TMEM50B: variants seen among roughly 807,000 people sequenced by gnomAD.
TMEM50B encodes the protein HCV p7-trans-regulated protein 3.
A neutral mutation model predicts 23.4 loss-of-function variants in TMEM50B; 14 were observed. The observed-to-expected ratio is 0.60, with a 90% confidence interval of 0.39 to 0.93. The LOEUF (loss-of-function observed/expected upper bound fraction) is 0.93. Among genes scored for constraint, TMEM50B ranks in the 40% least tolerant of loss-of-function variants. The pLI, the probability that TMEM50B is intolerant of heterozygous loss-of-function variation, is 0.00. For synonymous variants in TMEM50B, 64 were observed against 62.3 expected (o/e 1.03, Z -0.13); for missense variants, 159 against 193.0 (o/e 0.82, Z 1.04).
At chr21:33,470,609 C>T (rs1014798629) in intron 1 of TMEM50B, among the ~76,000 whole-genome samples, 1 of 150,008 alleles carries the variant, frequency 6.7e-6, no homozygotes, top group African/African-American at 2.5e-5. Context: ...TGATGGCAGG[C>T]GCCTGTAGTC....
chr21:33,475,768 C>T (rs2084363978), intron 1 of TMEM50B, among the ~76,000 whole-genome samples: 1 of 151,950 alleles, frequency 6.6e-6, no homozygotes, highest in African/African-American at 2.4e-5. Context: ...TCCTGGCTAA[C>T]ACGTTGAAAC....
intron 2 of TMEM50B, chr21:33,468,533 G>T: frequency 2.5e-6 from 1 of 407,672 alleles, no homozygotes; most frequent in Non-Finnish European, 4.4e-6. Context: ...AGTTAAAAAT[G>T]CTATTGCCTA....
At chr21:33,478,465 T>C (rs2084394534) in intron 1 of TMEM50B, among the ~76,000 whole-genome samples, 1 of 151,810 alleles carries the variant, frequency 6.6e-6, no homozygotes, top group Admixed American at 6.6e-5. Flanking sequence ...AGACTCTGTC[T>C]CAAAAAAAAC....
chr21:33,432,673 G>A (rs769347613), exon 9 of TMEM50B: 12 of 1,605,490 alleles, frequency 7.5e-6, no homozygotes, highest in South Asian at 2.2e-5. Flanking sequence ...TGTGTTGTGC[G>A]TAGGAAGATC....
At chr21:33,475,386 C>T (rs750604940) in intron 1 of TMEM50B, among the ~76,000 whole-genome samples, 5 of 152,142 alleles carry the variant, frequency 3.3e-5, no homozygotes, top group Middle Eastern at 3.4e-3. Context: ...CTCGCTCTGT[C>T]GCCCAGGCTG....
chr21:33,455,928 G>T, intron 5 of TMEM50B, 144 bp from the exon 6 acceptor site: 1 of 724,992 alleles, frequency 1.4e-6, no homozygotes, highest in Non-Finnish European at 2.5e-6. Context: ...TAATGAAACT[G>T]AAAGAAGAAA....
intron 5 of TMEM50B, 52 bp from the exon 6 acceptor site, chr21:33,455,836 A>T (rs1315034288): frequency 1.5e-6 from 2 of 1,299,416 alleles, no homozygotes; most frequent in East Asian, 4.6e-5. Context: ...AAACGGCAGT[A>T]ATAAAGTATC....
intron 6 of TMEM50B, among the ~76,000 whole-genome samples, chr21:33,453,169 A>G (rs2084137957): frequency 6.7e-6 from 1 of 149,240 alleles, no homozygotes; most frequent in Admixed American, 6.7e-5. Flanking sequence ...AGCTCACTGC[A>G]ACCTCAGCCT....
chr21:33,461,504 C>T (rs1280682867), intron 4 of TMEM50B, among the ~76,000 whole-genome samples: 1 of 152,074 alleles, frequency 6.6e-6, no homozygotes, highest in Non-Finnish European at 1.5e-5. Flanking sequence ...ATAAAAGGAA[C>T]TATTAAAAAT....
chr21:33,465,599 T>C (rs2084258477), intron 3 of TMEM50B, among the ~76,000 whole-genome samples, 190 bp from the exon 4 acceptor site: 1 of 152,244 alleles, frequency 6.6e-6, no homozygotes, highest in African/African-American at 2.4e-5. Context: ...TTTCATAAAG[T>C]ACACCCAGAA....
intron 7 of TMEM50B, among the ~76,000 whole-genome samples, chr21:33,443,495 A>T (rs1388080813): frequency 6.6e-6 from 1 of 150,740 alleles, no homozygotes; most frequent in Non-Finnish European, 1.5e-5. Context: ...CTGATACGTA[A>T]GCCACTCAAG....
downstream of TMEM50B, among the ~76,000 whole-genome samples, chr21:33,448,059 C>A (rs1459293983): frequency 6.6e-6 from 1 of 152,118 alleles, no homozygotes; most frequent in Admixed American, 6.5e-5. Context: ...GTTGCACGAT[C>A]TTGGCTCACT....
chr21:33,443,007 C>T (rs2084021479), intron 7 of TMEM50B, among the ~76,000 whole-genome samples: 1 of 151,932 alleles, frequency 6.6e-6, no homozygotes, highest in Admixed American at 6.6e-5. Flanking sequence ...GTATGAGTAA[C>T]AATGTATAAT....
chr21:33,446,098 A>C (rs868114956), downstream of TMEM50B, among the ~76,000 whole-genome samples: 3 of 152,288 alleles, frequency 2.0e-5, no homozygotes, highest in Middle Eastern at 3.4e-3. Flanking sequence ...CAGGCTGGCC[A>C]CAGGCTTTTC....
chr21:33,461,524 C>T (rs1005102642), intron 4 of TMEM50B, among the ~76,000 whole-genome samples: 2 of 152,062 alleles, frequency 1.3e-5, no homozygotes, highest in African/African-American at 2.4e-5. Flanking sequence ...TCCTTAAAGG[C>T]GGGGCATGGT....
At chr21:33,440,783 G>A (rs984244296) in intron 7 of TMEM50B, among the ~76,000 whole-genome samples, 1 of 152,086 alleles carries the variant, frequency 6.6e-6, no homozygotes, top group Admixed American at 6.6e-5. Context: ...TCAGGAGGCT[G>A]AGGCAGGAGA....
At chr21:33,432,859 A>G (rs2083902919) in intron 8 of TMEM50B, 1 of 1,612,582 alleles carries the variant, frequency 6.2e-7, no homozygotes, top group South Asian at 1.1e-5. Flanking sequence ...GCATCCCATT[A>G]CAGATAGAAG....
chr21:33,450,040 T>G lies in TMEM50B; in HGVS notation c.*778A>C, dbSNP rs2084103187. On this transcript the variant is annotated 3_prime_UTR_variant, in exon 7 of 7. Coordinates refer to ENST00000542230, the MANE Select transcript of TMEM50B (RefSeq NM_006134.7). ...AAATCATTATATAAAAGTACACTTC[T>G]TCAATACATAAGAACAAATATTTTT... 6.6e-6 allele frequency: 1 copy of G among 152,352 alleles called. No individual in the cohort carries two copies. The highest frequency in any genetic ancestry group is 1.5e-5 in the Non-Finnish European group (1 of 68,032). The allele number at this position is 152,352 out of a possible 1,614,324, so 9.4% of individuals were successfully genotyped here. A position where few individuals can be genotyped will look rare whatever the true frequency, so the allele number is the denominator to read the frequency against.
At chr21:33,436,947 T>C in intron 8 of TMEM50B, 1 of 1,613,916 alleles carries the variant, frequency 6.2e-7, no homozygotes, top group South Asian at 1.1e-5. Flanking sequence ...AAGAAGATGT[T>C]CTCCAAACGC....
Sources: allele counts gnomAD v4.1 joint callset (sites outside exome capture counted in the v4.1 genomes callset), GRCh38; gene constraint gnomAD v4.1.1; transcripts MANE v1.5; gene names NCBI Gene and HGNC (gene_info 2026-07-23, HGNC 2026-07-21).